ZNF10: variants seen among roughly 807,000 people sequenced by gnomAD.
ZNF10 encodes the protein zinc finger protein 10.
A neutral mutation model predicts 12.2 loss-of-function variants in ZNF10; 8 were observed. The observed-to-expected ratio is 0.66, with a 90% confidence interval of 0.39 to 1.18. ZNF10 has a LOEUF of 1.18. Among genes scored for constraint, ZNF10 ranks in the 50% most tolerant of loss-of-function variants. ZNF10 has a pLI of 0.01. For synonymous variants in ZNF10, 229 were observed against 228.2 expected (o/e 1.00, Z -0.03); for missense variants, 603 against 678.9 (o/e 0.89, Z 1.24).
chr12:133,150,881 A>C, intron 2 of ZNF10, 147 bp from the exon 3 acceptor site: 1 of 899,636 alleles, frequency 1.1e-6, no homozygotes, highest in South Asian at 2.8e-5. Flanking sequence ...ACTAGAATAA[A>C]TACTACTCAC....
intron 2 of ZNF10, among the ~76,000 whole-genome samples, chr12:133,145,654 C>A (rs1955971130): frequency 1.1e-5 from 1 of 92,810 alleles, no homozygotes; most frequent in African/African-American, 5.2e-5. Flanking sequence ...ACTGAAAATA[C>A]AAAAATAAGC....
intron 2 of ZNF10, among the ~76,000 whole-genome samples, chr12:133,150,685 A>G (rs1956001957): frequency 6.6e-6 from 1 of 152,078 alleles, no homozygotes; most frequent in East Asian, 1.9e-4. Flanking sequence ...TACTTGAATT[A>G]GGTTCTTTAT....
intron 1 of ZNF10, among the ~76,000 whole-genome samples, chr12:133,135,912 C>CT (rs1478169270): frequency 6.6e-6 from 1 of 152,252 alleles, no homozygotes; most frequent in Non-Finnish European, 1.5e-5. Context: ...CAGACATACT[C>CT]TCCGTAACCT....
chr12:133,155,478 C>G (rs753906396), intron 4 of ZNF10, 25 bp from the exon 5 acceptor site: 77 of 1,555,312 alleles, frequency 5.0e-5, no homozygotes, highest in Non-Finnish European at 6.6e-5. Context: ...TGTTTAGTTA[C>G]ACAAACATTT....
chr12:133,141,721 T>G (rs1955945232), intron 1 of ZNF10, among the ~76,000 whole-genome samples: 1 of 152,038 alleles, frequency 6.6e-6, no homozygotes, highest in Non-Finnish European at 1.5e-5. Flanking sequence ...TAGCCTACCG[T>G]ATGAGTAATT....
chr12:133,159,210 A>T lies in ZNF10; in HGVS notation c.*2242A>T, dbSNP rs1479584316. 6.6e-6 allele frequency: 1 copy of T among 152,270 alleles called. No individual in the cohort carries two copies. Among genetic ancestry groups the T allele is most frequent in the Admixed American group, 6.5e-5 (1 of 15,282 alleles). 9.4% of individuals were successfully genotyped at this position (152,270 alleles called of 1,614,324 possible). On this transcript the variant is annotated 3_prime_UTR_variant, in exon 5 of 5. Transcript: ENST00000248211. ...ACCTTAAGGGTCTAACTTGTAATGAAGACAGAAATATGTATGAGGATGATC... is the reference window on the plus strand; with the variant it reads ...ACCTTAAGGGTCTAACTTGTAATGATGACAGAAATATGTATGAGGATGATC...
intron 4 of ZNF10, among the ~76,000 whole-genome samples, chr12:133,153,734 C>T (rs1956022235): frequency 6.6e-6 from 1 of 152,168 alleles, no homozygotes; most frequent in Admixed American, 6.5e-5. Context: ...GCTGCGGTAA[C>T]AAAGAACCAG....
chr12:133,140,949 C>T (rs1201391332), intron 1 of ZNF10, among the ~76,000 whole-genome samples: 2 of 151,758 alleles, frequency 1.3e-5, no homozygotes, highest in Non-Finnish European at 2.9e-5. Context: ...TTAGTACATA[C>T]GTGTGAGGAA....
Position 133,144,539 on chromosome 12 carries a change from T to G in ZNF10, c.33+14T>G. The G allele has an allele frequency of 1.2e-6, 2 of 1,613,360 alleles. No homozygotes were observed. Among genetic ancestry groups the G allele is most frequent in the Non-Finnish European group, 1.7e-6 (2 of 1,179,532 alleles). ...GCCTGGTCCCGGGTAAGCTGGGCTT[T>G]CTTCCCAGTTTCCAACTGGGAATTC... is the stretch of plus-strand genomic sequence containing the variant. On this transcript the variant is annotated intron_variant, in intron 2 of 4. Coordinates refer to ENST00000248211, the MANE Select transcript of ZNF10 (RefSeq NM_015394.5).
In ZNF10 at chr12:133,136,652, ACT is replaced by A. The variant is rs149967725; in HGVS notation, c.-60+5899_-60+5900del. 5.3e-3 allele frequency among the ~76,000 whole-genome samples: 812 copies of A among 152,246 alleles called. 11 individuals carry two copies. The highest frequency in any genetic ancestry group is 0.018 in the African/African-American group (755 of 41,548). ...CCATTACGTGGCACTACTGAATATT[ACT>A]GTTTCTTAGTAAGCTTTATATGAAA... On this transcript the variant is annotated intron_variant, in intron 1 of 4. Transcript: ENST00000248211.
intron 1 of ZNF10, among the ~76,000 whole-genome samples, chr12:133,138,836 G>A (rs1314906912): frequency 6.6e-6 from 1 of 152,108 alleles, no homozygotes; most frequent in Non-Finnish European, 1.5e-5. Flanking sequence ...TTAATGTCTG[G>A]TGTAAAAAGG....
In ZNF10 at chr12:133,151,858, A is replaced by G; in HGVS notation, c.210A>G (p.Glu70=). The G allele has an allele frequency of 6.2e-7, 1 of 1,613,608 alleles. No individual in the cohort carries two copies. Among genetic ancestry groups the G allele is most frequent in the Non-Finnish European group, 8.5e-7 (1 of 1,179,680 alleles). ...TGATCCTCCGGTTGGAGAAGGGAGAAGAGCCCTGGCTGGTGGAGAGAGAAA... is the reference window on the plus strand; with the variant it reads ...TGATCCTCCGGTTGGAGAAGGGAGAGGAGCCCTGGCTGGTGGAGAGAGAAA... ...PDVILRLEKG[E]EPWLVEREIH... Residue 70 remains glutamate, a synonymous_variant, in exon 4 of 5, where the codon GAA becomes GAG. Transcript: ENST00000248211.
intron 2 of ZNF10, among the ~76,000 whole-genome samples, chr12:133,145,535 T>G (rs1198643359): frequency 6.6e-6 from 1 of 152,092 alleles, no homozygotes; most frequent in Non-Finnish European, 1.5e-5. Context: ...ATAGGCCAGG[T>G]GCGGTGGCTC....
rs1956056044 is a variant in ZNF10 at position 133,158,637 on chromosome 12, G to A, written c.*1669G>A. The A allele has an allele frequency of 6.6e-6, 1 of 152,150 alleles. No homozygotes were observed. Among genetic ancestry groups the A allele is most frequent in the African/African-American group, 2.4e-5 (1 of 41,442 alleles). 9.4% of individuals were successfully genotyped at this position (152,150 alleles called of 1,614,324 possible). A position where few individuals can be genotyped will look rare whatever the true frequency, so the allele number is the denominator to read the frequency against. ...TATAAATCAGTCTGTTGTATATAGGGACTGACCATGATTCTCCATTTTCTG... is the reference window on the plus strand; with the variant it reads ...TATAAATCAGTCTGTTGTATATAGGAACTGACCATGATTCTCCATTTTCTG... On this transcript the variant is annotated 3_prime_UTR_variant, in exon 5 of 5. Transcript: ENST00000248211.
intron 2 of ZNF10, among the ~76,000 whole-genome samples, chr12:133,146,486 A>G (rs770291556): frequency 6.6e-6 from 1 of 152,086 alleles, no homozygotes; most frequent in Non-Finnish European, 1.5e-5. Context: ...AACGTTTTCC[A>G]CTTTGGATTT....
intron 1 of ZNF10, among the ~76,000 whole-genome samples, chr12:133,137,651 G>T (rs757440488): frequency 6.6e-6 from 1 of 152,162 alleles, no homozygotes; most frequent in Non-Finnish European, 1.5e-5. Flanking sequence ...TACTGTAAAT[G>T]TGTGTTTTCA....
intron 1 of ZNF10, chr12:133,144,148 CAA>C: frequency 5.9e-6 from 1 of 168,958 alleles, no homozygotes; most frequent in Non-Finnish European, 1.2e-5. Context: ...TTTTTTTCCG[CAA>C]AAAAAAAATT....
In ZNF10 at chr12:133,159,015, G is replaced by A. The variant is rs1166359764; in HGVS notation, c.*2047G>A. On this transcript the variant is annotated 3_prime_UTR_variant, in exon 5 of 5. Transcript: ENST00000248211. ...GGAGTAGAATAGTCACTTAACTGGG[G>A]CTCTTAACATTGCTAATAACCTGTG... is the stretch of plus-strand genomic sequence containing the variant. 6.6e-6 allele frequency: 1 copy of A among 152,158 alleles called. No homozygotes were observed. Among genetic ancestry groups the A allele is most frequent in the Non-Finnish European group, 1.5e-5 (1 of 68,028 alleles). The allele number at this position is 152,158 out of a possible 1,614,324, so 9.4% of individuals were successfully genotyped here. A position where few individuals can be genotyped will look rare whatever the true frequency, so the allele number is the denominator to read the frequency against.
At chr12:133,147,253 T>A (rs991753528) in intron 2 of ZNF10, among the ~76,000 whole-genome samples, 5 of 152,220 alleles carry the variant, frequency 3.3e-5, no homozygotes, top group African/African-American at 1.2e-4. Flanking sequence ...GGACATAAAT[T>A]TTCATACTCA....
Sources: allele counts gnomAD v4.1 joint callset (sites outside exome capture counted in the v4.1 genomes callset), GRCh38; gene constraint gnomAD v4.1.1; transcripts MANE v1.5; gene names NCBI Gene and HGNC (gene_info 2026-07-23, HGNC 2026-07-21).